CDK5RAP2: variants seen among roughly 807,000 people sequenced by gnomAD.
CDK5RAP2 encodes the protein CDK5 regulatory subunit-associated protein 2.
A neutral mutation model predicts 232.9 loss-of-function variants in CDK5RAP2; 147 were observed. That is an observed-to-expected ratio of 0.63 (90% CI 0.55 to 0.72). The LOEUF is 0.72. Ranked by LOEUF, CDK5RAP2 falls within the 30% of genes least tolerant of loss-of-function variation. The pLI is 0.00. For synonymous variants in CDK5RAP2, 833 were observed against 833.7 expected (o/e 1.00, Z 0.01); for missense variants, 2,195 against 2,231.5 (o/e 0.98, Z 0.33).
In CDK5RAP2 at chr9:120,519,299, GT is replaced by G. The variant is rs529400605; in HGVS notation, c.1093-655del. Among the ~76,000 whole-genome samples, 1,074 of 152,088 alleles carry G rather than the reference GT, an allele frequency of 7.1e-3. 11 individuals are homozygous for G. The highest frequency in any genetic ancestry group is 0.024 in the African/African-American group (996 of 41,488). On this transcript the variant is annotated intron_variant, in intron 11 of 37. Transcript: ENST00000349780. ...ACTCTGTATTTTCAAATGTTCTAAG[GT>G]AAGTGAGCATGTTACTTTAATAATG...
chr9:120,518,740 A>G, intron 11 of CDK5RAP2, 95 bp from the exon 12 acceptor site: 1 of 933,992 alleles, frequency 1.1e-6, no homozygotes, highest in Non-Finnish European at 1.7e-6. Context: ...GGGGGAAAAA[A>G]AGAAAAGAAA....
chr9:120,419,613 C>A (rs1467357651), intron 27 of CDK5RAP2, among the ~76,000 whole-genome samples, 175 bp downstream of exon 27: 6 of 152,204 alleles, frequency 3.9e-5, no homozygotes, highest in Admixed American at 3.9e-4. Flanking sequence ...CTTTCAACAA[C>A]CATAGCTTTC....
Position 120,403,296 on chromosome 9 carries a change from A to T in CDK5RAP2, c.5042-225T>A. ...AGGAGAGGCTCAAGTCAACTCAACCAACACTTATCAACCACCCACTCGGCA... is the reference window on the plus strand; with the variant it reads ...AGGAGAGGCTCAAGTCAACTCAACCTACACTTATCAACCACCCACTCGGCA... On this transcript the variant is annotated intron_variant, in intron 33 of 37. Coordinates refer to ENST00000349780, the MANE Select transcript of CDK5RAP2 (RefSeq NM_018249.6). This position sits in a 1 kb window ranked among gnomAD's most constrained non-coding sequence, Gnocchi z 4.2. The T allele has an allele frequency of 5.4e-6, 3 of 551,248 alleles. No individual in the cohort carries two copies. Among genetic ancestry groups the T allele is most frequent in the Non-Finnish European group, 9.8e-6 (3 of 306,832 alleles). 34.1% of individuals were successfully genotyped at this position (551,248 alleles called of 1,614,324 possible).
chr9:120,537,069 T>C, intron 6 of CDK5RAP2, among the ~76,000 whole-genome samples: 1 of 152,018 alleles, frequency 6.6e-6, no homozygotes, highest in East Asian at 1.9e-4. Flanking sequence ...AGTGTCTGTG[T>C]TAGGGAAAAA....
chr9:120,424,899 G>C (rs1267784708), intron 25 of CDK5RAP2, among the ~76,000 whole-genome samples: 1 of 151,894 alleles, frequency 6.6e-6, no homozygotes. Flanking sequence ...TATTCACTGT[G>C]CTGGCCAGGC....
chr9:120,547,300 T>C (rs977387502), intron 4 of CDK5RAP2, among the ~76,000 whole-genome samples: 1 of 152,072 alleles, frequency 6.6e-6, no homozygotes, highest in African/African-American at 2.4e-5. Flanking sequence ...ATATGTGTAT[T>C]ATTTAAACAA....
intron 3 of CDK5RAP2, among the ~76,000 whole-genome samples, chr9:120,563,279 G>C (rs540864317): frequency 6.6e-6 from 1 of 152,334 alleles, no homozygotes; most frequent in Admixed American, 6.5e-5. Context: ...ACAGCAGCCT[G>C]TGTGGCTAGA....
intron 36 of CDK5RAP2, among the ~76,000 whole-genome samples, chr9:120,393,022 G>GA (rs1472724356): frequency 6.6e-6 from 1 of 152,150 alleles, no homozygotes; most frequent in Non-Finnish European, 1.5e-5. Flanking sequence ...TCTCTCAGAG[G>GA]AAAACCCTTT....
intron 12 of CDK5RAP2, among the ~76,000 whole-genome samples, chr9:120,510,784 A>G (rs898253355): frequency 1.3e-5 from 2 of 152,166 alleles, no homozygotes; most frequent in Non-Finnish European, 2.9e-5. Flanking sequence ...AGTTTCCTTC[A>G]AGGGATATGG....
At position 120,545,809 on chromosome 9, in the gene CDK5RAP2, A is replaced by G; in HGVS notation, c.307-19T>C. 6.3e-7 allele frequency: 1 copy of G among 1,598,720 alleles called. No individual in the cohort carries two copies. ...CAATGTTCTACAAAACAAGATTAAG[A>G]AAGAAAAGAAACAATGTAAAATAGA... On this transcript the variant is annotated intron_variant, in intron 4 of 37. Coordinates refer to ENST00000349780, the MANE Select transcript of CDK5RAP2 (RefSeq NM_018249.6).
intron 35 of CDK5RAP2, among the ~76,000 whole-genome samples, chr9:120,397,016 T>C (rs2032524248): frequency 6.6e-6 from 1 of 152,108 alleles, no homozygotes; most frequent in African/African-American, 2.4e-5. Context: ...AGGGATCAAA[T>C]GAGATGCTGG....
intron 32 of CDK5RAP2, among the ~76,000 whole-genome samples, chr9:120,404,865 T>G (rs2033327084): frequency 6.6e-6 from 1 of 152,078 alleles, no homozygotes; most frequent in Non-Finnish European, 1.5e-5. Flanking sequence ...GTGCAACACG[T>G]TATAATTTGG....
At chr9:120,493,345 C>T (rs1259335485) in intron 12 of CDK5RAP2, among the ~76,000 whole-genome samples, 3 of 152,228 alleles carry the variant, frequency 2.0e-5, no homozygotes, top group African/African-American at 7.2e-5. Flanking sequence ...AATAATACAG[C>T]CACCATTGGA....
intron 24 of CDK5RAP2, 60 bp from the exon 25 acceptor site, chr9:120,437,587 T>A: frequency 8.2e-7 from 1 of 1,213,450 alleles, no homozygotes; most frequent in Non-Finnish European, 1.2e-6. Context: ...TTTGTGACCT[T>A]AACACTAATT....
At chr9:120,390,149 AG>A in intron 36 of CDK5RAP2, 1 of 285,206 alleles carries the variant, frequency 3.5e-6, no homozygotes, top group Non-Finnish European at 7.0e-6. Flanking sequence ...GCAATGGCGC[AG>A]GGAGGGTAGA....
rs560997808 is a variant in CDK5RAP2, at chr9:120,518,715, G to A, written c.1093-70C>T. 5 of 1,227,958 alleles carry A rather than the reference G, an allele frequency of 4.1e-6. No homozygotes were observed. In the South Asian group the frequency reaches 5.0e-5, roughly 12 times the overall value. The allele number at this position is 1,227,958 out of a possible 1,614,324, so 76.1% of individuals were successfully genotyped here. A position where few individuals can be genotyped will look rare whatever the true frequency, so the allele number is the denominator to read the frequency against. On this transcript the variant is annotated intron_variant, in intron 11 of 37. Coordinates refer to ENST00000349780, the MANE Select transcript of CDK5RAP2 (RefSeq NM_018249.6). ...TCATGAAACAAACCAAGAAACCTGG[G>A]CTCTTTTTCGCCGTGGGGGAAAAAA... is the stretch of plus-strand genomic sequence containing the variant.
intron 25 of CDK5RAP2, among the ~76,000 whole-genome samples, chr9:120,428,821 C>T (rs1255947399): frequency 2.6e-5 from 4 of 152,188 alleles, no homozygotes; most frequent in Non-Finnish European, 5.9e-5. Flanking sequence ...GAATTTTAGA[C>T]CAAAATCCTT....
At position 120,403,449 on chromosome 9, in the gene CDK5RAP2, C is replaced by G. The variant is rs1207577667; in HGVS notation, c.5042-378G>C. 6.4e-6 allele frequency: 2 copies of G among 311,262 alleles called. No homozygotes were observed. The highest frequency in any genetic ancestry group is 8.1e-5 in the East Asian group (1 of 12,330). The allele number at this position is 311,262 out of a possible 1,614,324, so 19.3% of individuals were successfully genotyped here. A position where few individuals can be genotyped will look rare whatever the true frequency, so the allele number is the denominator to read the frequency against. On this transcript the variant is annotated intron_variant, in intron 33 of 37. Coordinates refer to ENST00000349780, the MANE Select transcript of CDK5RAP2 (RefSeq NM_018249.6). This position sits in a 1 kb window ranked among gnomAD's most constrained non-coding sequence, Gnocchi z 4.2. ...GATGAAGGGCCAGAGCCAGAAAAAA[C>G]AATTATCTGTGCAGGGAGGGAGAGA...
intron 12 of CDK5RAP2, among the ~76,000 whole-genome samples, chr9:120,498,562 T>C (rs1404026050): frequency 6.6e-6 from 1 of 152,206 alleles, no homozygotes. Context: ...AGTCTGTAGA[T>C]TAGTTCATAA....
Sources: allele counts gnomAD v4.1 joint callset (sites outside exome capture counted in the v4.1 genomes callset), GRCh38; gene constraint gnomAD v4.1.1; non-coding constraint Gnocchi (gnomAD v3.1); transcripts MANE v1.5; gene names NCBI Gene and HGNC (gene_info 2026-07-23, HGNC 2026-07-21).